The following TMCC1 variants were observed in gnomAD, a reference collection of about 807,000 sequenced individuals.
TMCC1 encodes the protein transmembrane and coiled-coil domains protein 1.
In TMCC1, 15 loss-of-function variants were observed where a neutral mutation model predicts 52.4. That is an observed-to-expected ratio of 0.29 (90% CI 0.19 to 0.44). The LOEUF is 0.44. Ranked by LOEUF, TMCC1 falls within the 20% of genes least tolerant of loss-of-function variation. The pLI is 1.00. For missense variants in TMCC1, 503 were observed against 806.0 expected (o/e 0.62, Z 4.55); for synonymous variants, 279 against 301.9 (o/e 0.92, Z 0.79).
At chr3:129,882,750 TTAAG>T (rs1363902938) in intron 1 of TMCC1, among the ~76,000 whole-genome samples, 1 of 152,188 alleles carries the variant, frequency 6.6e-6, no homozygotes, top group Non-Finnish European at 1.5e-5. Context: ...GGACATTATA[TTAAG>T]TGACAGGAGA....
intron 3 of TMCC1, among the ~76,000 whole-genome samples, chr3:129,829,477 A>AG (rs1227948541): frequency 3.6e-5 from 4 of 110,588 alleles, no homozygotes; most frequent in African/African-American, 1.4e-4. Flanking sequence ...AAAAAAAGGG[A>AG]GGGGGGGATG....
chr3:129,889,035 G>A (rs1303313021), intron 1 of TMCC1, among the ~76,000 whole-genome samples: 1 of 152,194 alleles, frequency 6.6e-6, no homozygotes, highest in Non-Finnish European at 1.5e-5. Flanking sequence ...ACTTTAGGAA[G>A]CTGAGGAGGG....
intron 3 of TMCC1, among the ~76,000 whole-genome samples, chr3:129,831,353 G>A (rs2717245): frequency 0.63 from 96,148 of 152,060 alleles, 35,447 homozygotes; most frequent in Non-Finnish European, 0.83. Flanking sequence ...TCGCAGCTAC[G>A]AAGAATAAGC....
chr3:129,661,504 A>C (rs552588108), intron 5 of TMCC1, among the ~76,000 whole-genome samples: 2 of 152,354 alleles, frequency 1.3e-5, no homozygotes, highest in Admixed American at 6.5e-5. Context: ...GTGAGGTTTA[A>C]TAAGGATCTG....
intron 2 of TMCC1, among the ~76,000 whole-genome samples, chr3:129,838,735 A>G (rs2059281898): frequency 1.5e-5 from 2 of 133,034 alleles, no homozygotes; most frequent in African/African-American, 5.6e-5. Context: ...CCTGGGTGAC[A>G]GAGCAAGACT....
At chr3:129,657,891 T>C (rs2086769221) in intron 5 of TMCC1, among the ~76,000 whole-genome samples, 1 of 152,222 alleles carries the variant, frequency 6.6e-6, no homozygotes. Context: ...TCAGCAATTC[T>C]ACCCCAGATA....
rs1326986209 is a variant in TMCC1 at position 129,785,586 on chromosome 3, A to AAAC, written c.576+42216_576+42217insGTT. Reference sequence around the variant, plus strand: ...ACACACACACACACACACACACACAAACACACACACACACATACACACACA... The same window carrying AAAC: ...ACACACACACACACACACACACACAAAACACACACACACACACATACACACACA... On this transcript the variant is annotated intron_variant, in intron 4 of 6. Coordinates refer to ENST00000393238, the MANE Select transcript of TMCC1 (RefSeq NM_001017395.5). Among the ~76,000 whole-genome samples, 340 of 128,334 alleles carry AAAC rather than the reference A, an allele frequency of 2.6e-3. 3 individuals carry two copies. The highest frequency in any genetic ancestry group is 1.9e-3 in the East Asian group (6 of 3,108). 84.2% of individuals were successfully genotyped at this position (128,334 alleles called of 152,430 possible). A position where few individuals can be genotyped will look rare whatever the true frequency, so the allele number is the denominator to read the frequency against.
chr3:129,806,573 T>C lies in TMCC1; in HGVS notation c.576+21230A>G, dbSNP rs115306693. On this transcript the variant is annotated intron_variant, in intron 4 of 6. Transcript: ENST00000393238. ...GGGTTTCCCATACCATTTTAATGCC[T>C]CTCTCAAATAGGAGAAGGAAGCCAT... Among the ~76,000 whole-genome samples the C allele has an allele frequency of 1.7e-3, 256 of 152,248 alleles. 2 individuals are homozygous for C. Among genetic ancestry groups the C allele is most frequent in the African/African-American group, 5.8e-3 (243 of 41,546 alleles).
intron 4 of TMCC1, among the ~76,000 whole-genome samples, chr3:129,784,412 A>G (rs2107733023): frequency 6.6e-6 from 1 of 151,674 alleles, no homozygotes. Flanking sequence ...TAAAAATACA[A>G]AAAATTAGCC....
At chr3:129,770,870 G>A (rs2054517000) in intron 4 of TMCC1, among the ~76,000 whole-genome samples, 1 of 152,128 alleles carries the variant, frequency 6.6e-6, no homozygotes, top group Non-Finnish European at 1.5e-5. Flanking sequence ...GTACAGTTAG[G>A]TTAAAATGAA....
chr3:129,832,317 A>G (rs749221562), intron 3 of TMCC1, among the ~76,000 whole-genome samples: 2 of 152,192 alleles, frequency 1.3e-5, no homozygotes, highest in African/African-American at 2.4e-5. Flanking sequence ...AGAAAGAGAA[A>G]AAGGAGCAAA....
At chr3:129,720,461 G>A (rs1184708560) in intron 4 of TMCC1, among the ~76,000 whole-genome samples, 1 of 152,160 alleles carries the variant, frequency 6.6e-6, no homozygotes, top group Admixed American at 6.5e-5. Flanking sequence ...GGTTGTCTAC[G>A]TGGATGAGTG....
intron 5 of TMCC1, among the ~76,000 whole-genome samples, chr3:129,661,446 A>G (rs779076261): frequency 4.6e-5 from 7 of 152,076 alleles, no homozygotes; most frequent in Non-Finnish European, 8.8e-5. Flanking sequence ...AAAAACCCAC[A>G]AACAAAAACA....
chr3:129,745,388 C>T (rs2107643743), intron 4 of TMCC1, among the ~76,000 whole-genome samples: 1 of 152,356 alleles, frequency 6.6e-6, no homozygotes, highest in Middle Eastern at 3.4e-3. Flanking sequence ...AAACTGAGCG[C>T]TTCACTCCGC....
intron 4 of TMCC1, among the ~76,000 whole-genome samples, chr3:129,731,392 A>G (rs1355493910): frequency 1.3e-5 from 2 of 152,220 alleles, no homozygotes. Context: ...AGTCTAGCCA[A>G]CATGGTGAAA....
chr3:129,662,995 T>C (rs2087159342), intron 5 of TMCC1, among the ~76,000 whole-genome samples: 1 of 152,196 alleles, frequency 6.6e-6, no homozygotes, highest in African/African-American at 2.4e-5. Flanking sequence ...AAACCTGTTC[T>C]ATCTACAAAG....
chr3:129,715,147 A>T (rs1197558939), intron 4 of TMCC1, among the ~76,000 whole-genome samples: 1 of 152,168 alleles, frequency 6.6e-6, no homozygotes, highest in African/African-American at 2.4e-5. Context: ...AGGAGCTAGG[A>T]CTACAAACAT....
intron 4 of TMCC1, among the ~76,000 whole-genome samples, chr3:129,810,462 G>A (rs975060716): frequency 3.3e-5 from 5 of 152,046 alleles, no homozygotes; most frequent in Admixed American, 2.0e-4. Flanking sequence ...AACTATAATC[G>A]GATCACAAAA....
chr3:129,711,993 C>T (rs1432772804), intron 4 of TMCC1, among the ~76,000 whole-genome samples: 3 of 93,038 alleles, frequency 3.2e-5, no homozygotes, highest in African/African-American at 4.4e-5. Flanking sequence ...CAGAGTGAGA[C>T]TCTGTCTCAA....
Sources: allele counts gnomAD v4.1 joint callset (sites outside exome capture counted in the v4.1 genomes callset), GRCh38; gene constraint gnomAD v4.1.1; transcripts MANE v1.5; gene names NCBI Gene and HGNC (gene_info 2026-07-23, HGNC 2026-07-21).